The following SUN3 variants were observed in gnomAD, a reference collection of about 807,000 sequenced individuals.
SUN3 encodes SUN domain-containing protein 3.
In SUN3, 36 loss-of-function variants were observed where a neutral mutation model predicts 48.2. The observed-to-expected ratio is 0.75, with a 90% confidence interval of 0.57 to 0.99. The LOEUF (loss-of-function observed/expected upper bound fraction) is 0.99. SUN3 is among the 50% of genes least tolerant of loss of function. SUN3 has a pLI of 0.00. For synonymous variants in SUN3, 148 were observed against 147.9 expected (o/e 1.00, Z 0.00); for missense variants, 419 against 433.1 (o/e 0.97, Z 0.29).
At chr7:47,989,999 C>CAG (rs879697291) in intron 8 of SUN3, among the ~76,000 whole-genome samples, 36 of 152,340 alleles carry the variant, frequency 2.4e-4, no homozygotes, top group Non-Finnish European at 4.4e-4. Flanking sequence ...CTAGGAAAGC[C>CAG]AGGTATTGTC....
chr7:48,029,088 C>T lies in SUN3; in HGVS notation c.-150G>A, dbSNP rs1034480924. 9.5e-6 allele frequency: 11 copies of T among 1,163,054 alleles called. No homozygotes were observed. The East Asian group carries it at 1.6e-4, about 17-fold the overall frequency. 72.0% of individuals were successfully genotyped at this position (1,163,054 alleles called of 1,614,324 possible). A position where few individuals can be genotyped will look rare whatever the true frequency, so the allele number is the denominator to read the frequency against. ...CTCCACGGGTGTTTCTTCTTGAAGA[C>T]GGAATTTTGAAAAGCTTCTGATTCT... On this transcript the variant is annotated 5_prime_UTR_variant, in exon 1 of 10. Transcript: ENST00000297325.
At chr7:48,024,199 A>C (rs1384251270) in intron 2 of SUN3, among the ~76,000 whole-genome samples, 3 of 152,212 alleles carry the variant, frequency 2.0e-5, no homozygotes, top group Admixed American at 6.5e-5. Context: ...CGTGTATCAA[A>C]GAAAGTGCAA....
chr7:47,999,443 T>C lies in SUN3; in HGVS notation c.578-3297A>G, dbSNP rs140420538. Among the ~76,000 whole-genome samples, 454 of 152,312 alleles carry C rather than the reference T, an allele frequency of 3.0e-3. 6 individuals carry two copies. Among genetic ancestry groups the C allele is most frequent in the African/African-American group, 0.01 (423 of 41,582 alleles). ...TTTCTAATTTGCATGCCTTTTCCCC[T>C]ATCCTCTGCCTTTCGTACTCTCTTT... On this transcript the variant is annotated intron_variant, in intron 6 of 9. Coordinates refer to ENST00000297325, the MANE Select transcript of SUN3 (RefSeq NM_001030019.2).
upstream of SUN3, among the ~76,000 whole-genome samples, chr7:48,033,313 T>C (rs1402064614): frequency 1.3e-5 from 2 of 152,098 alleles, no homozygotes; most frequent in Non-Finnish European, 2.9e-5. Flanking sequence ...AGAGCCCCAG[T>C]GCTTTGGGAG....
intron 3 of SUN3, among the ~76,000 whole-genome samples, chr7:48,014,122 T>C (rs995288948): frequency 2.0e-5 from 3 of 152,090 alleles, no homozygotes; most frequent in Admixed American, 6.5e-5. Context: ...TATTCCACCA[T>C]GTCTGGCTAA....
intron 6 of SUN3, among the ~76,000 whole-genome samples, chr7:48,002,129 T>C (rs1234580814): frequency 8.6e-6 from 1 of 116,510 alleles, no homozygotes; most frequent in Non-Finnish European, 1.8e-5. Flanking sequence ...GGTATCTCAT[T>C]GTGGTTTTGA....
chr7:47,998,870 G>A (rs1789283790), intron 6 of SUN3, among the ~76,000 whole-genome samples: 1 of 151,998 alleles, frequency 6.6e-6, no homozygotes, highest in Admixed American at 6.5e-5. Context: ...TTGATTTCAC[G>A]AGTACCACAT....
At chr7:48,015,008 G>A (rs1789773351) in intron 3 of SUN3, among the ~76,000 whole-genome samples, 1 of 152,146 alleles carries the variant, frequency 6.6e-6, no homozygotes, top group African/African-American at 2.4e-5. Flanking sequence ...TATAGATTTA[G>A]ATGTTAATCA....
At chr7:48,011,226 C>T (rs76754160) in intron 3 of SUN3, among the ~76,000 whole-genome samples, 4,422 of 152,258 alleles carry the variant, frequency 0.029, 216 homozygotes, top group African/African-American at 0.1. Flanking sequence ...CATCAATGTG[C>T]TATCTGGGAA....
At chr7:48,002,151 C>CTTTTTTTTTTTTT (rs71006541) in intron 6 of SUN3, among the ~76,000 whole-genome samples, 2 of 64,154 alleles carry the variant, frequency 3.1e-5, no homozygotes, top group African/African-American at 2.0e-4. Context: ...TTGCATTTCT[C>CTTTTTTTTTTTTT]TTTTTTTTTT....
Position 47,987,333 on chromosome 7 carries a change from G to T in SUN3, c.1071C>A (p.Ile357=), listed in dbSNP as rs1157059337. Residue 357 remains isoleucine, a synonymous_variant, in exon 10 of 10, where the codon ATC becomes ATA. Coordinates refer to ENST00000297325, the MANE Select transcript of SUN3 (RefSeq NM_001030019.2). ...FRVHGTPGKH[I] is the part of the protein sequence containing the mutation. ...ATGGCCTTCTGTACCAACTCTTCTA[G>T]ATGTGCTTGCCTGGTGTGCCATGGA... 1.9e-6 allele frequency: 3 copies of T among 1,611,492 alleles called. No homozygotes were observed. Among genetic ancestry groups the T allele is most frequent in the Non-Finnish European group, 2.5e-6 (3 of 1,178,642 alleles).
chr7:48,015,117 C>A (rs1388920652), intron 3 of SUN3, among the ~76,000 whole-genome samples: 1 of 152,208 alleles, frequency 6.6e-6, no homozygotes, highest in African/African-American at 2.4e-5. Flanking sequence ...TTAACCATCA[C>A]AACGAAGCTT....
intron 2 of SUN3, among the ~76,000 whole-genome samples, chr7:48,017,850 G>A (rs755660491): frequency 6.6e-6 from 1 of 152,120 alleles, no homozygotes; most frequent in Non-Finnish European, 1.5e-5. Context: ...TTTATTCCAC[G>A]CCTATAGCTT....
intron 8 of SUN3, among the ~76,000 whole-genome samples, chr7:47,992,726 G>A (rs1014246427): frequency 2.6e-5 from 4 of 151,912 alleles, no homozygotes; most frequent in African/African-American, 9.7e-5. Context: ...AAAAGAAAGT[G>A]AAGGAAGGAA....
the SUN3 span, chr7:48,035,683 C>CT: frequency 1.6e-6 from 1 of 622,754 alleles, no homozygotes; most frequent in South Asian, 1.8e-5. This position sits in a 1 kb window ranked among gnomAD's most constrained non-coding sequence, Gnocchi z 4.0. Flanking sequence ...GGTCCCGGGC[C>CT]TTGTCCACTG....
chr7:48,035,571 G>T, the SUN3 span: 2 of 697,708 alleles, frequency 2.9e-6, no homozygotes, highest in African/African-American at 3.5e-5. This position sits in a 1 kb window ranked among gnomAD's most constrained non-coding sequence, Gnocchi z 4.0. Flanking sequence ...CCAGCCAGCC[G>T]TGTAAAAACT....
intron 8 of SUN3, among the ~76,000 whole-genome samples, chr7:47,992,923 C>T (rs575412772): frequency 2.6e-5 from 4 of 151,932 alleles, no homozygotes; most frequent in African/African-American, 9.7e-5. Flanking sequence ...GAGGCCAAGG[C>T]GGGAGGATCC....
intron 2 of SUN3, among the ~76,000 whole-genome samples, chr7:48,020,172 G>A (rs1459507482): frequency 6.6e-6 from 1 of 151,984 alleles, no homozygotes; most frequent in African/African-American, 2.4e-5. Flanking sequence ...ATCAATCAAT[G>A]TGATACACCA....
In SUN3 at chr7:48,017,331, A is replaced by G. The variant is rs370482065; in HGVS notation, c.219T>C (p.Asp73=). Reference sequence around the variant, plus strand: ...ATAATTGTCTGGATTTCTGAGGAACATCTGTTTCTTTAAGCCACTGATGAT... The same window carrying G: ...ATAATTGTCTGGATTTCTGAGGAACGTCTGTTTCTTTAAGCCACTGATGAT... ...LLNHQWLKET[D]VPQKSRQLYA... The change falls in exon 3 of 10, where the codon GAT becomes GAC. Residue 73 remains aspartate, a synonymous_variant. Transcript: ENST00000297325. 3.3e-5 allele frequency: 53 copies of G among 1,609,830 alleles called. No homozygotes were observed. In the East Asian group the frequency reaches 7.2e-4, roughly 22 times the overall value.
Sources: allele counts gnomAD v4.1 joint callset (sites outside exome capture counted in the v4.1 genomes callset), GRCh38; gene constraint gnomAD v4.1.1; non-coding constraint Gnocchi (gnomAD v3.1); transcripts MANE v1.5; gene names NCBI Gene and HGNC (gene_info 2026-07-23, HGNC 2026-07-21).